The following DNAH3 variants were observed in gnomAD, a reference collection of about 807,000 sequenced individuals.
DNAH3 encodes axonemal beta dynein heavy chain 3.
A neutral mutation model predicts 432.5 loss-of-function variants in DNAH3; 332 were observed. The ratio of observed to expected loss-of-function variants is 0.77; its 90% CI spans 0.70 to 0.84. DNAH3 has a LOEUF of 0.84. Among genes scored for constraint, DNAH3 ranks in the 40% least tolerant of loss-of-function variants. DNAH3 has a pLI of 0.00. For synonymous variants in DNAH3, 1,956 were observed against 1,900.2 expected, an observed-to-expected ratio of 1.03 and a Z score of -0.76; for missense variants, 4,861 against 5,114.0, an observed-to-expected ratio of 0.95 and a Z score of 1.51.
At chr16:21,155,291 GTTAAA>G (rs1476811486) in intron 1 of DNAH3, among the ~76,000 whole-genome samples, 3 of 151,594 alleles carry the variant, frequency 2.0e-5, no homozygotes, top group Admixed American at 6.6e-5. Context: ...AAGGTGCCCA[GTTAAA>G]TTAGAGTTTC....
At chr16:21,032,323 G>A (rs186813297) in intron 36 of DNAH3, among the ~76,000 whole-genome samples, 9 of 152,270 alleles carry the variant, frequency 5.9e-5, no homozygotes, top group Non-Finnish European at 1.0e-4. Flanking sequence ...GTTTGGCCCC[G>A]AAATCGTTCT....
At chr16:21,154,019 A>G (rs917802014) in intron 1 of DNAH3, among the ~76,000 whole-genome samples, 27 of 152,256 alleles carry the variant, frequency 1.8e-4, no homozygotes, top group Admixed American at 3.9e-4. Flanking sequence ...ACTCTGGTTT[A>G]GACGGAAATG....
chr16:21,121,291 G>C (rs1357894902), intron 10 of DNAH3, among the ~76,000 whole-genome samples: 1 of 152,220 alleles, frequency 6.6e-6, no homozygotes, highest in Non-Finnish European at 1.5e-5. Context: ...TTGTTAATAA[G>C]TGTCTGGAAT....
At chr16:21,153,070 T>G (rs1227083153) in intron 1 of DNAH3, among the ~76,000 whole-genome samples, 1 of 152,186 alleles carries the variant, frequency 6.6e-6, no homozygotes, top group Non-Finnish European at 1.5e-5. Flanking sequence ...CTGAGTCTGA[T>G]GGGGACGTGG....
Position 20,985,424 on chromosome 16 carries a change from G to C in DNAH3, c.7318C>G (p.Arg2440Gly), listed in dbSNP as rs551993850. 3.5e-5 allele frequency: 57 copies of C among 1,614,142 alleles called. No individual in the cohort carries two copies. The highest frequency in any genetic ancestry group is 4.7e-5 in the Non-Finnish European group (56 of 1,180,002). ...GTGGACAGTTTGGCGGCACTTTGCCGCCCGCTGCCCCCTATGCCCACCAGG... is the reference window on the plus strand; with the variant it reads ...GTGGACAGTTTGGCGGCACTTTGCCCCCCGCTGCCCCCTATGCCCACCAGG... The change falls in exon 48 of 62, where the codon CGG (arginine) becomes GGG (glycine). Residue 2440 changes from arginine to glycine, a missense_variant. By Grantham distance (125) the Arg-to-Gly change is moderately radical. Transcript: ENST00000261383.
chr16:21,079,194 C>A (rs1297339436), intron 20 of DNAH3, among the ~76,000 whole-genome samples: 1 of 152,212 alleles, frequency 6.6e-6, no homozygotes, highest in African/African-American at 2.4e-5. Flanking sequence ...AATCTTGATT[C>A]TTTCCTAAGT....
At chr16:21,137,086 G>C (rs1469385043) in intron 5 of DNAH3, among the ~76,000 whole-genome samples, 1 of 151,776 alleles carries the variant, frequency 6.6e-6, no homozygotes, top group African/African-American at 2.4e-5. Context: ...GTGAGCCAAG[G>C]TCATGCCACT....
exon 5 of DNAH3, chr16:21,140,599 G>T (rs773011978): frequency 6.2e-7 from 1 of 1,614,130 alleles, no homozygotes; most frequent in Non-Finnish European, 8.5e-7. Context: ...GCTGTAACAT[G>T]ACATCGAGCT....
chr16:21,060,505 TC>T (rs2090309511), intron 25 of DNAH3, 149 bp from the exon 26 acceptor site: 17 of 532,544 alleles, frequency 3.2e-5, no homozygotes, highest in Admixed American at 7.3e-5. Context: ...GTCTCCCCGT[TC>T]TTTTTTTCTT....
At chr16:20,968,416 C>T (rs962683110) in intron 52 of DNAH3, among the ~76,000 whole-genome samples, 11 of 152,228 alleles carry the variant, frequency 7.2e-5, no homozygotes, top group African/African-American at 2.4e-4. Flanking sequence ...AAGGAATAGC[C>T]AGACTGTTCC....
At chr16:20,986,184 G>A (rs951947436) in intron 47 of DNAH3, among the ~76,000 whole-genome samples, 1 of 150,492 alleles carries the variant, frequency 6.6e-6, no homozygotes, top group Non-Finnish European at 1.5e-5. Context: ...AACATAATAT[G>A]TGGATTTCAT....
At chr16:21,064,695 T>C (rs575199568) in intron 24 of DNAH3, among the ~76,000 whole-genome samples, 1 of 152,292 alleles carries the variant, frequency 6.6e-6, no homozygotes, top group East Asian at 1.9e-4. Context: ...TCAATGGCCA[T>C]AAGAGTAATA....
chr16:21,077,286 G>A (rs780795438), intron 20 of DNAH3, among the ~76,000 whole-genome samples: 9 of 151,764 alleles, frequency 5.9e-5, no homozygotes, highest in African/African-American at 9.7e-5. Context: ...CCTCAGCCTC[G>A]CAAGCAGCTG....
intron 26 of DNAH3, 54 bp downstream of exon 26, chr16:21,060,210 A>T (rs375180374): frequency 3.5e-6 from 5 of 1,426,014 alleles, no homozygotes; most frequent in African/African-American, 2.8e-5. Context: ...CTTCTCCCCA[A>T]TGTTCTCTTT....
At chr16:21,100,283 G>A (rs2091803715) in intron 16 of DNAH3, among the ~76,000 whole-genome samples, 1 of 152,132 alleles carries the variant, frequency 6.6e-6, no homozygotes, top group Non-Finnish European at 1.5e-5. Flanking sequence ...TGTTGGCCAG[G>A]CTAGTCTCGA....
At chr16:21,028,635 C>T (rs1211332227) in intron 37 of DNAH3, among the ~76,000 whole-genome samples, 1 of 144,006 alleles carries the variant, frequency 6.9e-6, no homozygotes, top group Admixed American at 7.1e-5. Flanking sequence ...TCCTGGACAA[C>T]AGAGGGAGAC....
chr16:20,955,590 G>A (rs749520928), intron 54 of DNAH3, among the ~76,000 whole-genome samples: 11 of 151,814 alleles, frequency 7.2e-5, no homozygotes, highest in Non-Finnish European at 1.5e-4. Context: ...GTGAGTCCCC[G>A]TGCCTGGCCC....
intron 7 of DNAH3, among the ~76,000 whole-genome samples, chr16:21,133,531 G>T (rs371008727): frequency 6.6e-6 from 1 of 151,908 alleles, no homozygotes; most frequent in Non-Finnish European, 1.5e-5. Flanking sequence ...ACCTGAGATC[G>T]AGAGTTCGAG....
intron 20 of DNAH3, among the ~76,000 whole-genome samples, chr16:21,079,866 A>G (rs2091118270): frequency 6.6e-6 from 1 of 152,202 alleles, no homozygotes; most frequent in Non-Finnish European, 1.5e-5. Flanking sequence ...GAGGCATCAC[A>G]GTATTCAGGT....
Sources: allele counts gnomAD v4.1 joint callset (sites outside exome capture counted in the v4.1 genomes callset), GRCh38; gene constraint gnomAD v4.1.1; transcripts MANE v1.5; gene names NCBI Gene and HGNC (gene_info 2026-07-23, HGNC 2026-07-21).